Variants in NEXMIF observed in about 807,000 individuals in gnomAD.
NEXMIF encodes neurite extension and migration factor, also known as XLMR protein related to neurite extension.
Under a neutral mutation model 62.1 loss-of-function variants are expected in NEXMIF, and 8 were observed. That is an observed-to-expected ratio of 0.13 (90% CI 0.08 to 0.23). NEXMIF has a LOEUF of 0.23. Ranked by LOEUF, NEXMIF falls within the 10% of genes least tolerant of loss-of-function variation. The pLI is 1.00. For synonymous variants in NEXMIF, 404 were observed against 416.6 expected (o/e 0.97, Z 0.37); for missense variants, 976 against 1,113.3 (o/e 0.88, Z 1.75).
chrX:74,873,559 A>C (rs1027787023), intron 1 of NEXMIF, among the ~76,000 whole-genome samples: 2 of 111,812 alleles, frequency 1.8e-5, no homozygotes, highest in African/African-American at 6.5e-5. Context: ...CCCTGAGGAA[A>C]CACCACACTG....
intron 1 of NEXMIF, among the ~76,000 whole-genome samples, chrX:74,877,524 C>G (rs1304016670): frequency 9.0e-6 from 1 of 110,907 alleles, no homozygotes; most frequent in Non-Finnish European, 1.9e-5. Flanking sequence ...TTTCCTGAAT[C>G]TGAACGTTGG....
intron 1 of NEXMIF, among the ~76,000 whole-genome samples, chrX:74,859,385 T>C (rs925043135): frequency 5.4e-5 from 6 of 111,635 alleles, no homozygotes; most frequent in Admixed American, 9.6e-5. Context: ...AAATAACTTT[T>C]ACCCTAAAAT....
intron 1 of NEXMIF, among the ~76,000 whole-genome samples, chrX:74,905,888 T>TTG (rs2080766881): frequency 1.8e-5 from 2 of 112,241 alleles, no homozygotes; most frequent in Non-Finnish European, 3.8e-5. Context: ...CGTTGAACTA[T>TTG]TTCTTTTCCC....
At chrX:74,823,870 ATTC>A (rs1259616115) in intron 1 of NEXMIF, among the ~76,000 whole-genome samples, 1 of 111,866 alleles carries the variant, frequency 8.9e-6, no homozygotes, top group Non-Finnish European at 1.9e-5. Flanking sequence ...TTTACAATTT[ATTC>A]TTGCAAATTT....
At chrX:74,814,274 T>C (rs1412476085) in intron 1 of NEXMIF, among the ~76,000 whole-genome samples, 1 of 111,812 alleles carries the variant, frequency 8.9e-6, no homozygotes, top group Non-Finnish European at 1.9e-5. Context: ...TTAGATCCTC[T>C]CATTTTAAAG....
rs369567884 is a variant in NEXMIF at position 74,850,528 on chromosome X, T to A, written c.-48+74355A>T. On this transcript the variant is annotated intron_variant, in intron 1 of 3. Transcript: ENST00000055682. ...GGCCTGATGACATTCCTACCTGGCA[T>A]CCCAGTGCCCAGCAAAGCTTCACCA... Among the ~76,000 whole-genome samples the A allele has an allele frequency of 1.2e-4, 13 of 111,846 alleles. No individual in the cohort carries two copies. In the East Asian group the frequency reaches 3.1e-3, roughly 27 times the overall value.
chrX:74,801,167 T>A (rs1295198329), intron 1 of NEXMIF, among the ~76,000 whole-genome samples: 1 of 112,134 alleles, frequency 8.9e-6, no homozygotes, highest in Non-Finnish European at 1.9e-5. Flanking sequence ...TTCTTTTCAG[T>A]GCTGAATAAT....
At chrX:74,811,583 G>A (rs1411080891) in intron 1 of NEXMIF, among the ~76,000 whole-genome samples, 1 of 112,644 alleles carries the variant, frequency 8.9e-6, no homozygotes, top group Non-Finnish European at 1.9e-5. Flanking sequence ...AGTAGCAACT[G>A]TCACACAGTC....
chrX:74,834,646 T>A (rs962380947), intron 1 of NEXMIF, among the ~76,000 whole-genome samples: 35 of 111,955 alleles, frequency 3.1e-4, no homozygotes, highest in African/African-American at 1.1e-3. Flanking sequence ...GCCTGTAAGG[T>A]TTCCACTGAA....
chrX:74,900,440 G>A (rs1221038680), intron 1 of NEXMIF, among the ~76,000 whole-genome samples: 1 of 99,000 alleles, frequency 1.0e-5, no homozygotes, highest in Non-Finnish European at 2.0e-5. Flanking sequence ...CTCCAGCCTG[G>A]CAACAGAGTG....
chrX:74,758,892 G>A (rs764641055), intron 1 of NEXMIF, among the ~76,000 whole-genome samples: 2 of 112,289 alleles, frequency 1.8e-5, no homozygotes, highest in South Asian at 7.4e-4. Context: ...ATAACAGAAT[G>A]ATTTATATTC....
At chrX:74,831,189 C>T (rs1260607598) in intron 1 of NEXMIF, among the ~76,000 whole-genome samples, 1 of 110,314 alleles carries the variant, frequency 9.1e-6, no homozygotes, top group Non-Finnish European at 1.9e-5. Context: ...CCATAATGAA[C>T]ATTTTTTAAA....
At chrX:74,871,801 A>G (rs575073986) in intron 1 of NEXMIF, among the ~76,000 whole-genome samples, 5 of 111,420 alleles carry the variant, frequency 4.5e-5, no homozygotes, top group Admixed American at 2.9e-4. Flanking sequence ...GAAAATTGCT[A>G]TTATTCTGTT....
intron 1 of NEXMIF, among the ~76,000 whole-genome samples, chrX:74,816,557 A>T (rs906333159): frequency 1.1e-4 from 12 of 112,204 alleles, no homozygotes; most frequent in Non-Finnish European, 1.9e-4. Context: ...TGAAAAGATA[A>T]TGAATAAGCA....
chrX:74,783,304 A>G, intron 1 of NEXMIF, among the ~76,000 whole-genome samples: 2 of 111,813 alleles, frequency 1.8e-5, no homozygotes, highest in South Asian at 7.4e-4. Flanking sequence ...ATGGGGTGAA[A>G]TGTAGGAGCT....
intron 1 of NEXMIF, among the ~76,000 whole-genome samples, chrX:74,870,295 A>G (rs1237437300): frequency 9.0e-6 from 1 of 111,253 alleles, no homozygotes; most frequent in East Asian, 2.8e-4. Context: ...TTGACCCCCC[A>G]TCTCTCATCA....
chrX:74,800,363 GCTA>G (rs895661679), intron 1 of NEXMIF, among the ~76,000 whole-genome samples: 10 of 111,107 alleles, frequency 9.0e-5, no homozygotes, highest in African/African-American at 3.3e-4. Flanking sequence ...CAATTGGAAG[GCTA>G]CTACTAGCTT....
intron 1 of NEXMIF, among the ~76,000 whole-genome samples, chrX:74,909,234 T>G (rs750211331): frequency 9.0e-6 from 1 of 111,550 alleles, no homozygotes; most frequent in Non-Finnish European, 1.9e-5. Flanking sequence ...TCCTAGAGAC[T>G]TGTTGAATGG....
At chrX:74,906,171 G>A (rs1161665435) in intron 1 of NEXMIF, among the ~76,000 whole-genome samples, 1 of 109,796 alleles carries the variant, frequency 9.1e-6, no homozygotes, top group Non-Finnish European at 1.9e-5. Flanking sequence ...TACTTGGGAG[G>A]CTGAGGCAGG....
Sources: gnomAD v4.1 joint callset for allele counts (sites outside exome capture counted in the v4.1 genomes callset) on GRCh38, gnomAD v4.1.1 for gene constraint, MANE v1.5 for transcripts, NCBI Gene and HGNC (gene_info 2026-07-23, HGNC 2026-07-21) for gene names.